KLRD1: variants seen among roughly 807,000 people sequenced by gnomAD.
KLRD1 encodes natural killer cells antigen CD94.
KLRD1 carries 21 observed loss-of-function variants against 22.6 expected under a neutral mutation model. That is an observed-to-expected ratio of 0.93 (90% CI 0.66 to 1.34). The LOEUF (loss-of-function observed/expected upper bound fraction) is 1.34. Ranked by LOEUF, KLRD1 falls within the 40% of genes most tolerant of loss-of-function variation. KLRD1 has a pLI of 0.00. For missense variants in KLRD1, 183 were observed against 208.6 expected, an observed-to-expected ratio of 0.88 and a Z score of 0.76; for synonymous variants, 59 against 71.1, an observed-to-expected ratio of 0.83 and a Z score of 0.85.
chr12:10,307,812 A>T (rs1000467543), upstream of KLRD1: 4 of 393,962 alleles, frequency 1.0e-5, no homozygotes, highest in Non-Finnish European at 1.8e-5. Context: ...GTACTGTGAG[A>T]ATTTCCTGTA....
In KLRD1 at chr12:10,307,943, T is replaced by A; in HGVS notation, c.-135T>A. The A allele has an allele frequency of 1.3e-6, 1 of 771,786 alleles. No homozygotes were observed. The highest frequency in any genetic ancestry group is 2.2e-6 in the Non-Finnish European group (1 of 449,810). The allele number at this position is 771,786 out of a possible 1,614,324, so 47.8% of individuals were successfully genotyped here. A position where few individuals can be genotyped will look rare whatever the true frequency, so the allele number is the denominator to read the frequency against. On this transcript the variant is annotated 5_prime_UTR_variant, in exon 1 of 6. Coordinates refer to ENST00000336164, the MANE Select transcript of KLRD1 (RefSeq NM_002262.5). Reference sequence around the variant, plus strand: ...TTTAAATACACAATTTTTCATTCTCTATTTTTGCTAAATTTCTTCATACTC... The same window carrying A: ...TTTAAATACACAATTTTTCATTCTCAATTTTTGCTAAATTTCTTCATACTC...
At chr12:10,283,463 A>T (rs1285542199) in intron 1 of KLRD1, among the ~76,000 whole-genome samples, 1 of 152,226 alleles carries the variant, frequency 6.6e-6, no homozygotes, top group Non-Finnish European at 1.5e-5. Flanking sequence ...GCCTAGACTT[A>T]ACAATATTGT....
intron 4 of KLRD1, among the ~76,000 whole-genome samples, chr12:10,313,044 G>A (rs910733573): frequency 2.0e-5 from 3 of 151,826 alleles, no homozygotes; most frequent in Non-Finnish European, 2.9e-5. Context: ...GCACCTTTGC[G>A]GATTATAGGT....
At position 10,307,963 on chromosome 12, in the gene KLRD1, A is replaced by T; in HGVS notation, c.-115A>T. The stretch of plus-strand genomic sequence containing the variant: ...TTCTCTATTTTTGCTAAATTTCTTC[A>T]TACTCAACTTTCAGATTCTTTAATC... On this transcript the variant is annotated 5_prime_UTR_variant, in exon 1 of 6. Coordinates refer to ENST00000336164, the MANE Select transcript of KLRD1 (RefSeq NM_002262.5). 3 of 929,452 alleles carry T rather than the reference A, an allele frequency of 3.2e-6. No individual in the cohort carries two copies. The South Asian group carries it at 4.2e-5, about 13-fold the overall frequency. 57.6% of individuals were successfully genotyped at this position (929,452 alleles called of 1,614,324 possible). A position where few individuals can be genotyped will look rare whatever the true frequency, so the allele number is the denominator to read the frequency against.
rs1019834261 is a variant in KLRD1 at position 10,321,046 on chromosome 12, G to A, written c.*6253G>A. ...AAAAGTAAGAATAATTCAAAGGACA[G>A]AACTAAGAGCCTGTAAGGTGGATCC... is the stretch of plus-strand genomic sequence containing the variant. On this transcript the variant is annotated 3_prime_UTR_variant, in exon 6 of 6. Coordinates refer to ENST00000336164, the MANE Select transcript of KLRD1 (RefSeq NM_002262.5). 2.0e-5 allele frequency: 3 copies of A among 152,202 alleles called. No individual in the cohort carries two copies. Among genetic ancestry groups the A allele is most frequent in the Non-Finnish European group, 4.4e-5 (3 of 68,032 alleles). 9.4% of individuals were successfully genotyped at this position (152,202 alleles called of 1,614,324 possible). A position where few individuals can be genotyped will look rare whatever the true frequency, so the allele number is the denominator to read the frequency against.
chr12:10,312,297 C>T (rs934068829), intron 4 of KLRD1, among the ~76,000 whole-genome samples: 1 of 152,024 alleles, frequency 6.6e-6, no homozygotes, highest in Non-Finnish European at 1.5e-5. Context: ...GGTGATCTAC[C>T]CTCCTTGGCC....
At chr12:10,308,268 C>T (rs1444254978) in intron 1 of KLRD1, 184 bp downstream of exon 1, 2 of 583,508 alleles carry the variant, frequency 3.4e-6, no homozygotes, top group Admixed American at 3.0e-5. Flanking sequence ...ATAACTTAGA[C>T]ATGATTTCAT....
chr12:10,252,097 CT>C (rs1241810905), intron 1 of KLRD1, among the ~76,000 whole-genome samples: 1 of 152,094 alleles, frequency 6.6e-6, no homozygotes, highest in African/African-American at 2.4e-5. Context: ...TAAATTACTG[CT>C]TTTTGCTTAT....
chr12:10,288,113 C>T (rs887366202), intron 1 of KLRD1, among the ~76,000 whole-genome samples: 9 of 145,594 alleles, frequency 6.2e-5, no homozygotes, highest in South Asian at 4.4e-4. Context: ...CATGGTGGTG[C>T]GTGCCTGTAA....
intron 1 of KLRD1, among the ~76,000 whole-genome samples, chr12:10,239,180 C>G (rs756869750): frequency 2.6e-5 from 4 of 152,142 alleles, no homozygotes; most frequent in Non-Finnish European, 4.4e-5. Context: ...TTCTAATGGG[C>G]TGGTGGCCAA....
chr12:10,280,435 T>G (rs550699714), intron 1 of KLRD1, among the ~76,000 whole-genome samples: 2 of 152,246 alleles, frequency 1.3e-5, no homozygotes, highest in South Asian at 2.1e-4. Context: ...TAATCAGAAC[T>G]TTGTTTTTAT....
chr12:10,256,613 G>T (rs1949398901), intron 1 of KLRD1, among the ~76,000 whole-genome samples: 1 of 151,106 alleles, frequency 6.6e-6, no homozygotes. Flanking sequence ...CCACCCCTCT[G>T]CTTTATGATA....
rs369702232 is a variant in KLRD1 at position 10,298,124 on chromosome 12, T to C, written c.-100-9854T>C. 7.2e-5 allele frequency among the ~76,000 whole-genome samples: 11 copies of C among 152,322 alleles called. No individual in the cohort carries two copies. In the East Asian group the frequency reaches 1.9e-3, roughly 27 times the overall value. ...TACATTTCAGGTGCTAATGATATAA[T>C]TGAGGAACACTTAACTAGGCTTCAT... On this transcript the variant is annotated intron_variant, in intron 1 of 5. Coordinates refer to the KLRD1 transcript ENST00000544747.
intron 1 of KLRD1, chr12:10,309,039 C>A: frequency 5.6e-6 from 1 of 177,476 alleles, no homozygotes; most frequent in Admixed American, 5.7e-5. Flanking sequence ...AAAATAAATG[C>A]CTGTTATGTA....
At chr12:10,249,192 T>C (rs1949322424) in intron 1 of KLRD1, among the ~76,000 whole-genome samples, 1 of 152,184 alleles carries the variant, frequency 6.6e-6, no homozygotes, top group South Asian at 2.1e-4. Context: ...TAAATTAGGC[T>C]TAACAGGGGA....
chr12:10,305,648 G>A (rs1235373264), upstream of KLRD1, among the ~76,000 whole-genome samples: 1 of 152,138 alleles, frequency 6.6e-6, no homozygotes, highest in Non-Finnish European at 1.5e-5. Context: ...TGATTATTCA[G>A]CACTTCCGGA....
chr12:10,280,541 G>A (rs567831586), intron 1 of KLRD1, among the ~76,000 whole-genome samples: 18 of 152,094 alleles, frequency 1.2e-4, no homozygotes, highest in Non-Finnish European at 2.1e-4. Flanking sequence ...GTGCTCCATC[G>A]TTGAGTATCA....
At position 10,325,613 on chromosome 12, in the gene KLRD1, T is replaced by C. The variant is rs1161935467; in HGVS notation, c.*10820T>C. 1.3e-5 allele frequency: 2 copies of C among 152,254 alleles called. No individual in the cohort carries two copies. Among genetic ancestry groups the C allele is most frequent in the East Asian group, 3.8e-4 (2 of 5,202 alleles). 9.4% of individuals were successfully genotyped at this position (152,254 alleles called of 1,614,324 possible). ...TAGATATTTCACGTAAGTGGAATCATATAGTATTTATCCTGTGACTTGTTT... is the reference window on the plus strand; with the variant it reads ...TAGATATTTCACGTAAGTGGAATCACATAGTATTTATCCTGTGACTTGTTT... On this transcript the variant is annotated 3_prime_UTR_variant, in exon 6 of 6. Transcript: ENST00000336164.
chr12:10,274,678 C>G (rs1016933948), intron 1 of KLRD1, among the ~76,000 whole-genome samples: 12 of 152,114 alleles, frequency 7.9e-5, no homozygotes, highest in South Asian at 2.1e-4. Flanking sequence ...ATTCTCTCTT[C>G]ATCCGTGTCT....
Sources: allele counts gnomAD v4.1 joint callset (sites outside exome capture counted in the v4.1 genomes callset), GRCh38; gene constraint gnomAD v4.1.1; transcripts MANE v1.5; gene names NCBI Gene and HGNC (gene_info 2026-07-23, HGNC 2026-07-21).